The following ASXL3 variants were observed in gnomAD, a reference collection of about 807,000 sequenced individuals.
ASXL3 encodes putative Polycomb group protein ASXL3.
A neutral mutation model predicts 170.6 loss-of-function variants in ASXL3; 34 were observed. That is an observed-to-expected ratio of 0.20 (90% confidence interval 0.15 to 0.27). The LOEUF (loss-of-function observed/expected upper bound fraction) is 0.27. ASXL3 is among the 10% of genes least tolerant of loss of function. The pLI is 1.00. For synonymous variants in ASXL3, 1,002 were observed against 989.1 expected (o/e 1.01, Z -0.24); for missense variants, 2,592 against 2,695.3 (o/e 0.96, Z 0.85).
intron 7 of ASXL3, among the ~76,000 whole-genome samples, chr18:33,680,700 A>T (rs987590085): frequency 3.3e-5 from 5 of 152,058 alleles, no homozygotes; most frequent in African/African-American, 1.2e-4. Context: ...TTAAGGAATG[A>T]TCTTTCTCAT....
At chr18:33,730,058 G>GT (rs1334558028) in intron 8 of ASXL3, among the ~76,000 whole-genome samples, 2 of 152,064 alleles carry the variant, frequency 1.3e-5, no homozygotes, top group Admixed American at 6.6e-5. Flanking sequence ...GCTACAGTGG[G>GT]TCCCTTACAT....
Position 33,588,346 on chromosome 18 carries a change from A to G in ASXL3, c.54+9661A>G, listed in dbSNP as rs553268056. 6.7e-5 allele frequency among the ~76,000 whole-genome samples: 10 copies of G among 149,030 alleles called. No individual in the cohort carries two copies. In the South Asian group the frequency reaches 1.0e-3, roughly 15 times the overall value. On this transcript the variant is annotated intron_variant, in intron 1 of 11. Transcript: ENST00000269197. ...GAACACAACTCCTCCTAATTTAAGT[A>G]GAAAAGGAGCAGGTTTTTTTTTTTT...
chr18:33,734,439 C>T (rs376704963), intron 10 of ASXL3, 24 bp downstream of exon 10: 112 of 1,443,262 alleles, frequency 7.8e-5, no homozygotes, highest in Non-Finnish European at 9.9e-5. Flanking sequence ...TATTTTTTCT[C>T]ATTTCTCTGA....
chr18:33,708,083 G>A (rs765462549), intron 8 of ASXL3, among the ~76,000 whole-genome samples: 2 of 152,020 alleles, frequency 1.3e-5, no homozygotes, highest in African/African-American at 2.4e-5. Context: ...TGTAATATTC[G>A]TTTTTTAAAA....
intron 9 of ASXL3, among the ~76,000 whole-genome samples, chr18:33,733,765 T>C (rs569714501): frequency 9.8e-5 from 15 of 152,308 alleles, no homozygotes; most frequent in African/African-American, 3.4e-4. Context: ...CATAAACATA[T>C]GGATTTGTAT....
chr18:33,591,227 A>AT (rs1328073198), intron 1 of ASXL3, among the ~76,000 whole-genome samples: 16 of 152,108 alleles, frequency 1.1e-4, no homozygotes, highest in Non-Finnish European at 2.4e-4. Context: ...TGTTTCAGAA[A>AT]TTTTTTTTCT....
At chr18:33,678,986 T>G (rs1229739388) in intron 7 of ASXL3, among the ~76,000 whole-genome samples, 1 of 152,228 alleles carries the variant, frequency 6.6e-6, no homozygotes, top group African/African-American at 2.4e-5. Flanking sequence ...CTTTATTCTA[T>G]GATATTCTTA....
intron 2 of ASXL3, among the ~76,000 whole-genome samples, chr18:33,631,751 A>G (rs1435039065): frequency 6.6e-6 from 1 of 152,084 alleles, no homozygotes; most frequent in Admixed American, 6.6e-5. Flanking sequence ...TTTTTACTTA[A>G]TAAGTGTGAA....
intron 2 of ASXL3, among the ~76,000 whole-genome samples, chr18:33,616,450 T>C (rs1397387574): frequency 6.6e-6 from 1 of 151,736 alleles, no homozygotes; most frequent in African/African-American, 2.4e-5. Flanking sequence ...GCATAGGCAC[T>C]CACATTTCTG....
At chr18:33,598,197 T>C (rs1323065549) in intron 1 of ASXL3, among the ~76,000 whole-genome samples, 1 of 152,216 alleles carries the variant, frequency 6.6e-6, no homozygotes, top group Non-Finnish European at 1.5e-5. Flanking sequence ...ATACTAGTAG[T>C]AGTAAAATAT....
intron 8 of ASXL3, among the ~76,000 whole-genome samples, chr18:33,693,548 A>C (rs909677780): frequency 1.3e-5 from 2 of 152,162 alleles, no homozygotes; most frequent in Non-Finnish European, 2.9e-5. Flanking sequence ...GTGTCTGCTA[A>C]GAGACTAGAG....
intron 1 of ASXL3, among the ~76,000 whole-genome samples, chr18:33,595,965 A>G (rs764018963): frequency 1.8e-4 from 28 of 152,182 alleles, no homozygotes; most frequent in Non-Finnish European, 3.8e-4. Flanking sequence ...CATTCTTTGG[A>G]AGAAGGAAGT....
intron 8 of ASXL3, among the ~76,000 whole-genome samples, chr18:33,721,624 CA>C (rs1209998959): frequency 2.0e-5 from 3 of 152,094 alleles, no homozygotes; most frequent in Non-Finnish European, 4.4e-5. Flanking sequence ...AAGCCTTCCA[CA>C]TTTCCATCTA....
At chr18:33,737,684 C>T (rs188105960) in intron 10 of ASXL3, among the ~76,000 whole-genome samples, 1 of 152,202 alleles carries the variant, frequency 6.6e-6, no homozygotes, top group Non-Finnish European at 1.5e-5. Flanking sequence ...ACTTTGATAA[C>T]CCCAAATATG....
At chr18:33,708,302 A>G (rs534660833) in intron 8 of ASXL3, among the ~76,000 whole-genome samples, 8 of 152,172 alleles carry the variant, frequency 5.3e-5, no homozygotes, top group Admixed American at 1.3e-4. Flanking sequence ...GAACTTTTCT[A>G]TCGTCTCAGT....
intron 4 of ASXL3, among the ~76,000 whole-genome samples, chr18:33,647,200 A>G (rs2065929135): frequency 6.6e-6 from 1 of 152,032 alleles, no homozygotes; most frequent in African/African-American, 2.4e-5. Context: ...ACCCAAAGTC[A>G]TTCATTTTAT....
intron 4 of ASXL3, among the ~76,000 whole-genome samples, chr18:33,648,861 A>G (rs898324495): frequency 1.3e-5 from 2 of 152,096 alleles, no homozygotes; most frequent in African/African-American, 4.8e-5. Flanking sequence ...CAAATGTGTC[A>G]ATGCTTTTGA....
intron 8 of ASXL3, among the ~76,000 whole-genome samples, chr18:33,686,675 A>G (rs1232981321): frequency 1.3e-5 from 2 of 152,236 alleles, no homozygotes; most frequent in African/African-American, 2.4e-5. Flanking sequence ...ATGGTGGGCT[A>G]TTCTGCTGAG....
At chr18:33,631,296 T>A (rs2065673168) in intron 2 of ASXL3, among the ~76,000 whole-genome samples, 1 of 152,080 alleles carries the variant, frequency 6.6e-6, no homozygotes, top group African/African-American at 2.4e-5. Context: ...AATATGTGGA[T>A]AAGCATTCAG....
Sources: allele counts gnomAD v4.1 joint callset (sites outside exome capture counted in the v4.1 genomes callset), GRCh38; gene constraint gnomAD v4.1.1; transcripts MANE v1.5; gene names NCBI Gene and HGNC (gene_info 2026-07-23, HGNC 2026-07-21).